EXOC4: variants seen among roughly 807,000 people sequenced by gnomAD.
EXOC4 encodes exocyst complex component 4, also known as SEC8-like 1.
In EXOC4, 71 loss-of-function variants were observed where a neutral mutation model predicts 107.2. The observed-to-expected ratio is 0.66, with a 90% CI of 0.55 to 0.81. The LOEUF (loss-of-function observed/expected upper bound fraction) is 0.81, where lower values mean the gene tolerates loss of function less well. Among genes scored for constraint, EXOC4 ranks in the 30% least tolerant of loss-of-function variants. The pLI is 0.00. For synonymous variants in EXOC4, 456 were observed against 441.2 expected (o/e 1.03, Z -0.42); for missense variants, 1,108 against 1,189.6 (o/e 0.93, Z 1.01).
chr7:133,846,213 C>A (rs1275207641), intron 11 of EXOC4, among the ~76,000 whole-genome samples: 5 of 152,208 alleles, frequency 3.3e-5, no homozygotes, highest in Admixed American at 3.3e-4. Flanking sequence ...CTAGCCCTGT[C>A]AGCTGCCTGC....
intron 14 of EXOC4, among the ~76,000 whole-genome samples, chr7:133,986,606 T>C (rs1476062274): frequency 6.6e-6 from 1 of 152,216 alleles, no homozygotes; most frequent in African/African-American, 2.4e-5. Context: ...GTATGTACTT[T>C]AGCATGTGAA....
chr7:133,535,903 T>C lies in EXOC4; in HGVS notation c.1417+55765T>C, dbSNP rs1800261332. 2.0e-5 allele frequency among the ~76,000 whole-genome samples: 3 copies of C among 152,234 alleles called. No homozygotes were observed. The South Asian group carries it at 6.2e-4, about 32-fold the overall frequency. ...TCAACATCATCTCTTTCTTTTCTGATGGCTCACATTAATGCAGGCAGTGCT... is the reference window on the plus strand; with the variant it reads ...TCAACATCATCTCTTTCTTTTCTGACGGCTCACATTAATGCAGGCAGTGCT... On this transcript the variant is annotated intron_variant, in intron 9 of 17. Transcript: ENST00000253861.
At chr7:133,790,911 C>T (rs967218872) in intron 10 of EXOC4, among the ~76,000 whole-genome samples, 2 of 152,238 alleles carry the variant, frequency 1.3e-5, no homozygotes, top group African/African-American at 4.8e-5. Context: ...GGCATTTAAA[C>T]TCAACTCTCT....
At chr7:133,772,092 C>A (rs1585134174) in intron 10 of EXOC4, among the ~76,000 whole-genome samples, 2 of 151,876 alleles carry the variant, frequency 1.3e-5, no homozygotes, top group African/African-American at 4.8e-5. Flanking sequence ...TCCTCATATT[C>A]CCCCTTCCCG....
At position 133,488,320 on chromosome 7, in the gene EXOC4, CTCT is replaced by C. The variant is rs373081514; in HGVS notation, c.1417+8189_1417+8191del. On this transcript the variant is annotated intron_variant, in intron 9 of 17. Coordinates refer to ENST00000253861, the MANE Select transcript of EXOC4 (RefSeq NM_021807.4). ...TTTAAATTCATTTTTAGTTATAGAA[CTCT>C]TCTTCTATTTAATCTTATTTCACAG... Among the ~76,000 whole-genome samples, 266 of 152,226 alleles carry C rather than the reference CTCT, an allele frequency of 1.7e-3. 1 individual carries two copies. Among genetic ancestry groups the C allele is most frequent in the African/African-American group, 4.2e-3 (175 of 41,548 alleles).
chr7:133,744,868 T>C (rs1336488814), intron 10 of EXOC4, among the ~76,000 whole-genome samples: 1 of 152,156 alleles, frequency 6.6e-6, no homozygotes, highest in Non-Finnish European at 1.5e-5. Context: ...TGGACAAAGC[T>C]GATCGCTACA....
At chr7:133,840,662 T>C (rs1196515277) in intron 11 of EXOC4, among the ~76,000 whole-genome samples, 4 of 151,972 alleles carry the variant, frequency 2.6e-5, no homozygotes, top group Admixed American at 2.6e-4. Flanking sequence ...TTTGTATTTT[T>C]AGTAGAGACG....
At chr7:133,857,365 A>T (rs113990724) in intron 11 of EXOC4, among the ~76,000 whole-genome samples, 6 of 67,870 alleles carry the variant, frequency 8.8e-5, no homozygotes, top group African/African-American at 2.4e-4. Context: ...ATATATATAT[A>T]TTTTACCTCT....
chr7:134,061,427 A>ACTGAGT (rs1796052874), intron 17 of EXOC4, among the ~76,000 whole-genome samples: 1 of 152,192 alleles, frequency 6.6e-6, no homozygotes, highest in South Asian at 2.1e-4. Context: ...ACAGACTCTG[A>ACTGAGT]CTGAGTCGTG....
At chr7:133,581,520 A>G (rs966458221) in intron 9 of EXOC4, among the ~76,000 whole-genome samples, 6 of 151,952 alleles carry the variant, frequency 3.9e-5, no homozygotes, top group Admixed American at 2.6e-4. Context: ...GCACTTTGGG[A>G]GGCCGAGGCG....
intron 5 of EXOC4, among the ~76,000 whole-genome samples, chr7:133,325,432 C>G (rs893502362): frequency 1.3e-5 from 2 of 152,122 alleles, no homozygotes; most frequent in East Asian, 3.9e-4. Flanking sequence ...TCAGCATTTG[C>G]TTGTCTGTAA....
intron 10 of EXOC4, among the ~76,000 whole-genome samples, chr7:133,816,774 CGGTAG>C (rs1797379361): frequency 6.6e-6 from 1 of 152,132 alleles, no homozygotes. Context: ...GCACAGCTCA[CGGTAG>C]GGTTCATGCT....
intron 9 of EXOC4, among the ~76,000 whole-genome samples, chr7:133,532,986 C>T (rs1411396793): frequency 6.6e-6 from 1 of 151,956 alleles, no homozygotes. Flanking sequence ...GACCCAGAAA[C>T]AGCCCTGCCA....
intron 10 of EXOC4, among the ~76,000 whole-genome samples, chr7:133,657,268 A>C (rs1346789425): frequency 6.6e-6 from 1 of 152,148 alleles, no homozygotes; most frequent in Non-Finnish European, 1.5e-5. Flanking sequence ...ACTATTAAGA[A>C]AGCTTTAGAG....
chr7:133,334,244 C>A (rs1795458607), intron 5 of EXOC4, among the ~76,000 whole-genome samples: 1 of 152,166 alleles, frequency 6.6e-6, no homozygotes, highest in Non-Finnish European at 1.5e-5. Context: ...ATCCCATTCC[C>A]AGTTTCCTTC....
intron 14 of EXOC4, among the ~76,000 whole-genome samples, chr7:133,959,247 G>C (rs549669059): frequency 2.0e-5 from 3 of 151,828 alleles, no homozygotes; most frequent in Admixed American, 1.3e-4. Context: ...GAGGAAACAG[G>C]GATTATCCAG....
intron 2 of EXOC4, among the ~76,000 whole-genome samples, chr7:133,283,249 CT>C (rs915737257): frequency 1.3e-5 from 2 of 152,048 alleles, no homozygotes; most frequent in African/African-American, 4.8e-5. Context: ...ACCACAGATA[CT>C]TTTTTGTGGA....
At chr7:133,456,352 A>G (rs1332588115) in intron 7 of EXOC4, among the ~76,000 whole-genome samples, 7 of 152,202 alleles carry the variant, frequency 4.6e-5, no homozygotes, top group Admixed American at 6.5e-5. Context: ...AAAATGGGCA[A>G]TAATTATATC....
intron 11 of EXOC4, among the ~76,000 whole-genome samples, chr7:133,837,597 G>C (rs1337591158): frequency 6.6e-6 from 1 of 152,148 alleles, no homozygotes; most frequent in Non-Finnish European, 1.5e-5. Context: ...GGAGGCAGAA[G>C]GTAACAATCT....
Sources: gnomAD v4.1 joint callset for allele counts (sites outside exome capture counted in the v4.1 genomes callset) on GRCh38, gnomAD v4.1.1 for gene constraint, MANE v1.5 for transcripts, NCBI Gene and HGNC (gene_info 2026-07-23, HGNC 2026-07-21) for gene names.